Variants in SLCO1B3 observed in about 807,000 individuals in gnomAD.
SLCO1B3 encodes the protein liver-specific organic anion transporter 2.
SLCO1B3 carries 72 observed loss-of-function variants against 71.8 expected under a neutral mutation model. The observed-to-expected ratio is 1.00, with a 90% CI of 0.83 to 1.22. The LOEUF is 1.22. Ranked by LOEUF, SLCO1B3 falls within the 50% of genes most tolerant of loss-of-function variation. The probability of loss-of-function intolerance (pLI) is 0.00; values close to 1 mark genes in which losing one functional copy is unlikely to be tolerated. For missense variants in SLCO1B3, 911 were observed against 819.7 expected, an observed-to-expected ratio of 1.11 and a Z score of -1.36; for synonymous variants, 298 against 278.4, an observed-to-expected ratio of 1.07 and a Z score of -0.70.
chr12:20,817,356 C>CT (rs1383190582), intron 3 of SLCO1B3, among the ~76,000 whole-genome samples: 2 of 151,984 alleles, frequency 1.3e-5, no homozygotes, highest in African/African-American at 4.8e-5. Context: ...AGATTTAAGT[C>CT]TTTAGTTCAT....
At chr12:20,913,247 T>C (rs532431944) in intron 15 of SLCO1B3, among the ~76,000 whole-genome samples, 2 of 152,080 alleles carry the variant, frequency 1.3e-5, no homozygotes, top group Non-Finnish European at 2.9e-5. Context: ...GTCCATAGGT[T>C]CTTAGAAACT....
intron 3 of SLCO1B3, among the ~76,000 whole-genome samples, chr12:20,827,717 A>G (rs1421825982): frequency 1.3e-5 from 2 of 152,066 alleles, no homozygotes; most frequent in Non-Finnish European, 2.9e-5. Flanking sequence ...GACTGCAGGC[A>G]CATGCCACCA....
chr12:20,818,136 A>G (rs970317865), intron 3 of SLCO1B3, among the ~76,000 whole-genome samples: 1 of 152,190 alleles, frequency 6.6e-6, no homozygotes, highest in Admixed American at 6.5e-5. Flanking sequence ...GAGCGTCTAT[A>G]CAGGAGCTTA....
intron 3 of SLCO1B3, among the ~76,000 whole-genome samples, chr12:20,837,828 G>A (rs570150982): frequency 6.6e-6 from 1 of 152,172 alleles, no homozygotes; most frequent in East Asian, 1.9e-4. Context: ...ATATATAGAT[G>A]TTAATTATAT....
In SLCO1B3 at chr12:20,819,759, C is replaced by T. The variant is rs117028367; in HGVS notation, c.84+3937C>T. On this transcript the variant is annotated intron_variant, in intron 3 of 15. Coordinates refer to ENST00000381545, the MANE Select transcript of SLCO1B3 (RefSeq NM_019844.4). The stretch of plus-strand genomic sequence containing the variant: ...AAAGCATGCTGTAATGGGATATTGG[C>T]ACTGAGCGGGGTAAGGGTGATTAGG... Among the ~76,000 whole-genome samples, 1,259 of 152,168 alleles carry T rather than the reference C, an allele frequency of 8.3e-3. 8 individuals are homozygous for T. The highest frequency in any genetic ancestry group is 0.013 in the Non-Finnish European group (852 of 68,012).
intron 6 of SLCO1B3, among the ~76,000 whole-genome samples, chr12:20,861,863 A>G (rs974735379): frequency 5.9e-5 from 9 of 152,092 alleles, no homozygotes; most frequent in Non-Finnish European, 1.3e-4. Flanking sequence ...TACTTTCTTG[A>G]TTAATCTTAA....
rs142620717 is a variant in SLCO1B3 at position 20,854,934 on chromosome 12, G to A, written c.85-94G>A. ...TATTTTTTTATGATAATGTTTTCGA[G>A]TAAAGAAGAAAAACTGTTTTAGTTC... On this transcript the variant is annotated intron_variant, in intron 3 of 15. Coordinates refer to ENST00000381545, the MANE Select transcript of SLCO1B3 (RefSeq NM_019844.4). The A allele has an allele frequency of 1.7e-3, 1,997 of 1,176,076 alleles. 21 individuals are homozygous for A. In the African/African-American group the frequency reaches 0.023, roughly 14 times the overall value. 72.9% of individuals were successfully genotyped at this position (1,176,076 alleles called of 1,614,324 possible). A position where few individuals can be genotyped will look rare whatever the true frequency, so the allele number is the denominator to read the frequency against.
chr12:20,901,794 C>A, intron 15 of SLCO1B3: 1 of 354,944 alleles, frequency 2.8e-6, no homozygotes, highest in Non-Finnish European at 5.3e-6. Flanking sequence ...AGCTCTCTCC[C>A]ACTGGCTTCT....
chr12:20,909,702 C>T (rs2120441390), intron 15 of SLCO1B3, among the ~76,000 whole-genome samples: 1 of 152,054 alleles, frequency 6.6e-6, no homozygotes, highest in African/African-American at 2.4e-5. Context: ...TTTCTCAGAG[C>T]AGAATTTTTT....
chr12:20,912,495 ATT>A lies in SLCO1B3; in HGVS notation c.1866-3493_1866-3492del, dbSNP rs34721125. On this transcript the variant is annotated intron_variant, in intron 15 of 15. Coordinates refer to ENST00000381545, the MANE Select transcript of SLCO1B3 (RefSeq NM_019844.4). Reference sequence around the variant, plus strand: ...AGGTGTGTGCTATCACACCTGGCTAATTTTTTTTTTTTTTTTTGTATTTTTTC... The same window carrying A: ...AGGTGTGTGCTATCACACCTGGCTAATTTTTTTTTTTTTTTGTATTTTTTC... Among the ~76,000 whole-genome samples the A allele has an allele frequency of 3.4e-3, 408 of 118,884 alleles. 5 individuals carry two copies. Among genetic ancestry groups the A allele is most frequent in the Middle Eastern group, 9.1e-3 (2 of 220 alleles). 78.0% of individuals were successfully genotyped at this position (118,884 alleles called of 152,430 possible). A position where few individuals can be genotyped will look rare whatever the true frequency, so the allele number is the denominator to read the frequency against.
At chr12:20,891,797 T>C (rs1295998638) in intron 13 of SLCO1B3, among the ~76,000 whole-genome samples, 4 of 152,092 alleles carry the variant, frequency 2.6e-5, no homozygotes, top group Admixed American at 2.0e-4. Flanking sequence ...TTGTTTATTC[T>C]GCTTGGTCTG....
chr12:20,818,987 A>C (rs1207512497), intron 3 of SLCO1B3, among the ~76,000 whole-genome samples: 2 of 152,246 alleles, frequency 1.3e-5, no homozygotes, highest in African/African-American at 4.8e-5. Context: ...TATATGCGTC[A>C]GGTATGAGGA....
chr12:20,885,515 GAAAAAT>G (rs59756744), intron 13 of SLCO1B3, among the ~76,000 whole-genome samples: 80,636 of 151,132 alleles, frequency 0.53, 23,973 homozygotes, highest in South Asian at 0.77. Flanking sequence ...GCACTAGAAA[GAAAAAT>G]AAATCAGAGT....
intron 8 of SLCO1B3, among the ~76,000 whole-genome samples, chr12:20,871,198 A>T (rs1344471055): frequency 1.3e-5 from 2 of 152,160 alleles, no homozygotes; most frequent in African/African-American, 4.8e-5. Context: ...GCCTCACAGA[A>T]GGAGTTTGGA....
In SLCO1B3 at chr12:20,825,068, A is replaced by G. The variant is rs141771869; in HGVS notation, c.84+9246A>G. ...CAATTAAATCTGTCTCTCAAATCTTATAAACAAATCTATTAAATTTTAATC... is the reference window on the plus strand; with the variant it reads ...CAATTAAATCTGTCTCTCAAATCTTGTAAACAAATCTATTAAATTTTAATC... On this transcript the variant is annotated intron_variant, in intron 3 of 15. Transcript: ENST00000381545. 6.6e-3 allele frequency among the ~76,000 whole-genome samples: 1,002 copies of G among 152,288 alleles called. 11 individuals are homozygous for G. Among genetic ancestry groups the G allele is most frequent in the Non-Finnish European group, 0.011 (716 of 68,014 alleles).
intron 13 of SLCO1B3, among the ~76,000 whole-genome samples, chr12:20,896,390 A>T (rs538262670): frequency 1.3e-5 from 2 of 152,336 alleles, no homozygotes; most frequent in Admixed American, 6.5e-5. Flanking sequence ...TTTGCTGCTT[A>T]GAAATTTTTT....
intron 3 of SLCO1B3, among the ~76,000 whole-genome samples, chr12:20,840,245 G>A (rs1057089537): frequency 4.6e-5 from 7 of 152,038 alleles, no homozygotes; most frequent in Non-Finnish European, 8.8e-5. Context: ...AGGATGTATT[G>A]GATAAAAACC....
At position 20,854,876 on chromosome 12, in the gene SLCO1B3, TGAG is replaced by T. The variant is rs1240882480; in HGVS notation, c.85-151_85-149del. ...TGTACTGATGATAGTATTATAGGGC[TGAG>T]AAGTTTCAACTTGTATAGGGAAAAA... On this transcript the variant is annotated intron_variant, in intron 3 of 15. Transcript: ENST00000381545. The T allele has an allele frequency of 4.4e-6, 3 of 676,020 alleles. No homozygotes were observed. In the Admixed American group the frequency reaches 8.8e-5, roughly 20 times the overall value. 41.9% of individuals were successfully genotyped at this position (676,020 alleles called of 1,614,324 possible). A position where few individuals can be genotyped will look rare whatever the true frequency, so the allele number is the denominator to read the frequency against.
intron 2 of SLCO1B3, among the ~76,000 whole-genome samples, chr12:20,814,917 C>T (rs1864164453): frequency 6.7e-6 from 1 of 149,954 alleles, no homozygotes; most frequent in Non-Finnish European, 1.5e-5. Flanking sequence ...AATAAAAAAG[C>T]ATACCAGATT....
Sources: gnomAD v4.1 joint callset for allele counts (sites outside exome capture counted in the v4.1 genomes callset) on GRCh38, gnomAD v4.1.1 for gene constraint, MANE v1.5 for transcripts, NCBI Gene and HGNC (gene_info 2026-07-23, HGNC 2026-07-21) for gene names.